The following C4orf50 variants were observed in gnomAD, a reference collection of about 807,000 sequenced individuals.
The protein encoded by C4orf50 is uncharacterized protein C4orf50.
A neutral mutation model predicts 77.2 loss-of-function variants in C4orf50; 80 were observed. The ratio of observed to expected loss-of-function variants is 1.04; its 90% confidence interval spans 0.87 to 1.25. C4orf50 has a LOEUF of 1.25. Among genes scored for constraint, C4orf50 ranks in the 50% most tolerant of loss-of-function variants. The probability of loss-of-function intolerance (pLI) is 0.00; values close to 1 mark genes in which losing one functional copy is unlikely to be tolerated. For missense variants in C4orf50, 1,257 were observed against 1,152.9 expected, an observed-to-expected ratio of 1.09 and a Z score of -1.31; for synonymous variants, 532 against 465.3, an observed-to-expected ratio of 1.14 and a Z score of -1.84.
chr4:6,005,672 C>T (rs779534164), intron 25 of C4orf50, among the ~76,000 whole-genome samples: 1 of 152,208 alleles, frequency 6.6e-6, no homozygotes, highest in Non-Finnish European at 1.5e-5. Flanking sequence ...TAAACAGCAC[C>T]TGTCTCACAA....
At chr4:5,975,599 C>A (rs1420142951) in intron 30 of C4orf50, among the ~76,000 whole-genome samples, 1 of 152,010 alleles carries the variant, frequency 6.6e-6, no homozygotes, top group Non-Finnish European at 1.5e-5. Flanking sequence ...GCAGCCTTGA[C>A]CTCCTGGGTT....
At chr4:5,985,676 A>G (rs1294968367) in intron 28 of C4orf50, among the ~76,000 whole-genome samples, 1 of 152,180 alleles carries the variant, frequency 6.6e-6, no homozygotes, top group Non-Finnish European at 1.5e-5. Context: ...GTAAATAAAT[A>G]AAATAAATTG....
At position 5,926,755 on chromosome 4, in the gene C4orf50, G is replaced by A. The variant is rs1009651821; in HGVS notation, c.*2475-28567C>T. On this transcript the variant is annotated intron_variant, in intron 7 of 7. Coordinates refer to the C4orf50 transcript ENST00000324058. ...ACCAGGCTGTAAGTTCAAAAGCAGC[G>A]CCCAGGCCCACCCTGCCTGCATGAC... Among the ~76,000 whole-genome samples, 8 of 152,134 alleles carry A rather than the reference G, an allele frequency of 5.3e-5. No homozygotes were observed. In the East Asian group the frequency reaches 7.7e-4, roughly 15 times the overall value.
chr4:5,942,297 C>A (rs548828808), intron 7 of C4orf50, among the ~76,000 whole-genome samples: 1 of 152,320 alleles, frequency 6.6e-6, no homozygotes, highest in South Asian at 2.1e-4. Flanking sequence ...GTGGTCTGGG[C>A]ACAGTCCAAG....
rs990682678 is a variant in C4orf50 at position 5,970,041 on chromosome 4, A to T, written c.4105-2579T>A. 1.3e-5 allele frequency among the ~76,000 whole-genome samples: 2 copies of T among 152,076 alleles called. No homozygotes were observed. The highest frequency in any genetic ancestry group is 1.3e-4 in the Admixed American group (2 of 15,274). On this transcript the variant is annotated intron_variant, in intron 31 of 33. Transcript: ENST00000531445. This position sits in a 1 kb window ranked among gnomAD's most constrained non-coding sequence, Gnocchi z 4.3. ...CTTTGGTACCCGGGCCTCTGCCTCC[A>T]AGGTCTCAGGGACGGGGAAAGGGGA...
intron 25 of C4orf50, among the ~76,000 whole-genome samples, chr4:5,997,309 G>A (rs1227378150): frequency 1.3e-5 from 2 of 152,206 alleles, no homozygotes; most frequent in Non-Finnish European, 2.9e-5. Context: ...CCCTGTTCTG[G>A]AGCTGGTGAC....
At chr4:5,977,487 CA>C in intron 29 of C4orf50, among the ~76,000 whole-genome samples, 1 of 152,190 alleles carries the variant, frequency 6.6e-6, no homozygotes, top group African/African-American at 2.4e-5. Flanking sequence ...GTATGTGATA[CA>C]AAAATTTTGA....
At chr4:5,995,154 G>T (rs557452869) in intron 25 of C4orf50, among the ~76,000 whole-genome samples, 3 of 152,168 alleles carry the variant, frequency 2.0e-5, no homozygotes, top group Admixed American at 6.5e-5. Flanking sequence ...CTGTGCAGAG[G>T]TCCAGGGCCT....
At chr4:5,994,178 G>A (rs1721448982) in intron 26 of C4orf50, among the ~76,000 whole-genome samples, 169 bp downstream of exon 4, 1 of 152,216 alleles carries the variant, frequency 6.6e-6, no homozygotes, top group Non-Finnish European at 1.5e-5. Context: ...CAGCAGCTGT[G>A]TGACCCTGAT....
Position 6,008,468 on chromosome 4 carries a change from C to T in C4orf50, c.491G>A (p.Arg164Gln), listed in dbSNP as rs1260290112. Residue 164 changes from arginine to glutamine, a missense_variant, in exon 25 of 34, where the codon CGG (arginine) becomes CAG (glutamine). Transcript: ENST00000531445. This position sits in a 1 kb window ranked among gnomAD's most constrained non-coding sequence, Gnocchi z 6.0. ...CTGCCCCAGTGCCTCGTCCTTGCGC[C>T]GCAACCGCTCCTGCAACCGCCGCAG... The T allele has an allele frequency of 2.0e-5, 8 of 397,608 alleles. No homozygotes were observed. Among genetic ancestry groups the T allele is most frequent in the African/African-American group, 1.0e-4 (5 of 48,546 alleles). 24.6% of individuals were successfully genotyped at this position (397,608 alleles called of 1,614,324 possible).
At chr4:5,924,038 CTG>C (rs1358015853) in intron 7 of C4orf50, among the ~76,000 whole-genome samples, 1 of 152,204 alleles carries the variant, frequency 6.6e-6, no homozygotes, top group Non-Finnish European at 1.5e-5. Flanking sequence ...CTTTTGGACT[CTG>C]GGACCTACAC....
Position 6,007,923 on chromosome 4 carries a change from T to A in C4orf50, c.963+73A>T. 1 of 399,112 alleles carries A rather than the reference T, an allele frequency of 2.5e-6. No individual in the cohort carries two copies. Among genetic ancestry groups the A allele is most frequent in the Non-Finnish European group, 4.4e-6 (1 of 226,386 alleles). 24.7% of individuals were successfully genotyped at this position (399,112 alleles called of 1,614,324 possible). On this transcript the variant is annotated intron_variant, in intron 25 of 33. Coordinates refer to ENST00000531445, the Ensembl canonical transcript of C4orf50. The surrounding 1 kb of genome is among the most constrained non-coding windows in gnomAD (Gnocchi z 4.1). ...GGAGCCCGGGGAATGGATGGGCCAATGACTTCACCAAGTGGCTGGAGGAGA... is the reference window on the plus strand; with the variant it reads ...GGAGCCCGGGGAATGGATGGGCCAAAGACTTCACCAAGTGGCTGGAGGAGA...
At chr4:5,967,536 G>T in intron 31 of C4orf50, 74 bp from the exon 10 acceptor site, 2 of 1,331,920 alleles carry the variant, frequency 1.5e-6, no homozygotes, top group Admixed American at 3.4e-5. Flanking sequence ...GACTGCAATT[G>T]GACCAAGCAG....
intron 25 of C4orf50, among the ~76,000 whole-genome samples, chr4:6,004,216 T>C (rs1351411477): frequency 8.6e-5 from 9 of 105,182 alleles, no homozygotes; most frequent in African/African-American, 2.8e-4. Context: ...ATGATGGTGA[T>C]GGTGATGATG....
intron 7 of C4orf50, among the ~76,000 whole-genome samples, chr4:5,917,008 C>A (rs1394359782): frequency 6.6e-6 from 1 of 152,196 alleles, no homozygotes; most frequent in Admixed American, 6.5e-5. Flanking sequence ...CCAAATTAGC[C>A]AAACCTAAGT....
intron 33 of C4orf50, among the ~76,000 whole-genome samples, chr4:5,960,946 G>A (rs936884781): frequency 2.6e-5 from 4 of 152,102 alleles, no homozygotes; most frequent in African/African-American, 7.2e-5. Context: ...TCAGGAGTTC[G>A]AGACCAGCCT....
At chr4:5,996,366 G>T (rs1249868644) in intron 25 of C4orf50, among the ~76,000 whole-genome samples, 2 of 152,114 alleles carry the variant, frequency 1.3e-5, no homozygotes, top group Non-Finnish European at 2.9e-5. Context: ...ACTGGATCTG[G>T]TTGCTCCCTG....
chr4:5,975,139 CAAAAAA>C lies in C4orf50; in HGVS notation c.3921+754_3921+759del, dbSNP rs763836859. Among the ~76,000 whole-genome samples, 170 of 82,752 alleles carry C rather than the reference CAAAAAA, an allele frequency of 2.1e-3. 3 individuals are homozygous for C. The highest frequency in any genetic ancestry group is 6.6e-3 in the African/African-American group (161 of 24,400). The allele number at this position is 82,752 out of a possible 152,430, so 54.3% of individuals were successfully genotyped here. Reference sequence around the variant, plus strand: ...TGGGCGACAGAGTGACACTCCATCTCAAAAAAAAAAAAAAAAAAAAAAAAAAAAAAA... The same window carrying C: ...TGGGCGACAGAGTGACACTCCATCTCAAAAAAAAAAAAAAAAAAAAAAAAA... On this transcript the variant is annotated intron_variant, in intron 30 of 33. Transcript: ENST00000531445.
At chr4:5,963,881 G>GGCT (rs1210562158) in intron 33 of C4orf50, among the ~76,000 whole-genome samples, 1 of 152,158 alleles carries the variant, frequency 6.6e-6, no homozygotes, top group African/African-American at 2.4e-5. Flanking sequence ...AATGGGGTAG[G>GGCT]GCTGGGACTT....
Sources: gnomAD v4.1 joint callset for allele counts (sites outside exome capture counted in the v4.1 genomes callset) on GRCh38, gnomAD v4.1.1 for gene constraint, Gnocchi (gnomAD v3.1) non-coding constraint, MANE v1.5 for transcripts, NCBI Gene and HGNC (gene_info 2026-07-23, HGNC 2026-07-21) for gene names.